Variants in TRERF1 observed in about 807,000 individuals in gnomAD.
TRERF1 encodes transcriptional regulating factor 1.
A neutral mutation model predicts 122.9 loss-of-function variants in TRERF1; 27 were observed. The observed-to-expected ratio is 0.22, with a 90% CI of 0.16 to 0.30. The LOEUF (loss-of-function observed/expected upper bound fraction) is 0.30. TRERF1 is among the 10% of genes least tolerant of loss of function. The pLI, the probability that TRERF1 is intolerant of heterozygous loss-of-function variation, is 1.00. For synonymous variants in TRERF1, 636 were observed against 641.7 expected (o/e 0.99, Z 0.13); for missense variants, 1,248 against 1,560.3 (o/e 0.80, Z 3.37).
intron 3 of TRERF1, among the ~76,000 whole-genome samples, chr6:42,327,764 C>T (rs899465649): frequency 2.6e-5 from 4 of 152,114 alleles, no homozygotes; most frequent in Non-Finnish European, 2.9e-5. Flanking sequence ...TTTTAGAAGA[C>T]TCTTCTGAGG....
chr6:42,260,041 T>G (rs939060610), intron 8 of TRERF1, among the ~76,000 whole-genome samples: 6 of 152,012 alleles, frequency 3.9e-5, no homozygotes, highest in Non-Finnish European at 8.8e-5. Context: ...TCTGTTTGAG[T>G]GGAATCCAGC....
chr6:42,314,189 C>T (rs935346221), intron 3 of TRERF1, among the ~76,000 whole-genome samples: 16 of 152,154 alleles, frequency 1.1e-4, no homozygotes, highest in African/African-American at 3.9e-4. Context: ...AAAACCTCCA[C>T]CATGGCATGG....
intron 4 of TRERF1, among the ~76,000 whole-genome samples, chr6:42,297,222 C>A (rs1785260652): frequency 6.6e-6 from 1 of 152,190 alleles, no homozygotes; most frequent in South Asian, 2.1e-4. Flanking sequence ...GGCAATATGG[C>A]AGACCGGATA....
At chr6:42,333,745 C>T (rs927500014) in intron 3 of TRERF1, among the ~76,000 whole-genome samples, 3 of 152,160 alleles carry the variant, frequency 2.0e-5, no homozygotes, top group South Asian at 4.1e-4. Flanking sequence ...CAGGAGCCTC[C>T]GAGGGCCACA....
chr6:42,227,639 A>T (rs1226891665), exon 18 of TRERF1: 1 of 152,330 alleles, frequency 6.6e-6, no homozygotes, highest in East Asian at 1.9e-4. Flanking sequence ...GACAGGACAC[A>T]CCTGTTCTAG....
chr6:42,417,648 C>A (rs1291627203), intron 2 of TRERF1, among the ~76,000 whole-genome samples: 1 of 152,264 alleles, frequency 6.6e-6, no homozygotes, highest in Non-Finnish European at 1.5e-5. Flanking sequence ...AGACCGGCAT[C>A]TGCCCATCTG....
chr6:42,436,814 A>AAAAAAAT (rs61427173), intron 2 of TRERF1, among the ~76,000 whole-genome samples: 4 of 66,686 alleles, frequency 6.0e-5, no homozygotes, highest in African/African-American at 1.6e-4. Flanking sequence ...AAAAAAAAAA[A>AAAAAAAT]ATATATATAT....
At chr6:42,306,206 TG>T (rs1787216451) in intron 3 of TRERF1, among the ~76,000 whole-genome samples, 1 of 151,960 alleles carries the variant, frequency 6.6e-6, no homozygotes, top group Non-Finnish European at 1.5e-5. Context: ...TTTGCCATAT[TG>T]GCCAGTCTGG....
At position 42,341,267 on chromosome 6, in the gene TRERF1, A is replaced by C. The variant is rs116627577; in HGVS notation, c.-371+21730T>G. On this transcript the variant is annotated intron_variant, in intron 3 of 17. Transcript: ENST00000372922. ...AATACCTGCCCTGCAAGGGTGTTTC[A>C]AGGATTACAAATAACTGTAAGAAGT... Among the ~76,000 whole-genome samples the C allele has an allele frequency of 6.5e-3, 984 of 152,346 alleles. 4 individuals are homozygous for C. Among genetic ancestry groups the C allele is most frequent in the Non-Finnish European group, 1.0e-2 (680 of 68,028 alleles).
chr6:42,397,514 A>G (rs955740091), intron 2 of TRERF1, among the ~76,000 whole-genome samples: 4 of 152,208 alleles, frequency 2.6e-5, no homozygotes. Flanking sequence ...GTCCCAAGAC[A>G]TCTTCTGGGA....
chr6:42,423,372 G>A (rs994636712), intron 2 of TRERF1, among the ~76,000 whole-genome samples: 3 of 152,132 alleles, frequency 2.0e-5, no homozygotes, highest in Non-Finnish European at 2.9e-5. Context: ...AAACCAGAAA[G>A]TGCCCCTTTC....
At chr6:42,405,722 G>A (rs1271196487) in intron 2 of TRERF1, among the ~76,000 whole-genome samples, 1 of 151,510 alleles carries the variant, frequency 6.6e-6, no homozygotes, top group Non-Finnish European at 1.5e-5. Flanking sequence ...TTGAGCCTGG[G>A]AGGTGGCAGT....
intron 2 of TRERF1, among the ~76,000 whole-genome samples, chr6:42,438,844 C>T (rs527467873): frequency 1.3e-5 from 2 of 152,124 alleles, no homozygotes; most frequent in South Asian, 4.1e-4. Flanking sequence ...CAGATTAGAT[C>T]AGAGGGTTTA....
At chr6:42,436,812 A>T (rs536145227) in intron 2 of TRERF1, among the ~76,000 whole-genome samples, 5,238 of 96,284 alleles carry the variant, frequency 0.054, 109 homozygotes, top group Admixed American at 0.084. Context: ...AAAAAAAAAA[A>T]AAATATATAT....
intron 4 of TRERF1, among the ~76,000 whole-genome samples, chr6:42,285,217 C>T (rs565036199): frequency 6.6e-6 from 1 of 151,984 alleles, no homozygotes; most frequent in Non-Finnish European, 1.5e-5. Flanking sequence ...AAGTTGGATT[C>T]CTAGGTATTT....
chr6:42,434,668 C>CCACACACACACACACA (rs3075920), intron 2 of TRERF1, among the ~76,000 whole-genome samples: 1 of 114,896 alleles, frequency 8.7e-6, no homozygotes, highest in African/African-American at 2.9e-5. Context: ...ACACCCTCCA[C>CCACACACACACACACA]CACACACACA....
intron 2 of TRERF1, among the ~76,000 whole-genome samples, chr6:42,381,479 C>T (rs890901837): frequency 1.4e-4 from 22 of 152,014 alleles, no homozygotes; most frequent in African/African-American, 2.2e-4. Context: ...CTTCACCTAA[C>T]GACTTCCTAG....
In TRERF1 at chr6:42,259,241, A is replaced by G. The variant is rs1443759569; in HGVS notation, c.2269+98T>C. 2.1e-6 allele frequency: 3 copies of G among 1,423,090 alleles called. No homozygotes were observed. The highest frequency in any genetic ancestry group is 2.5e-5 in the East Asian group (1 of 39,926). The allele number at this position is 1,423,090 out of a possible 1,614,324, so 88.2% of individuals were successfully genotyped here. On this transcript the variant is annotated intron_variant, in intron 9 of 17. Coordinates refer to ENST00000372922, the Ensembl canonical transcript of TRERF1. This position sits in a 1 kb window ranked among gnomAD's most constrained non-coding sequence, Gnocchi z 4.9. ...TGCTACATACAGCCAATACTCCGCAAAAGTCTGTGGGATAAATGAGAAAGC... is the reference window on the plus strand; with the variant it reads ...TGCTACATACAGCCAATACTCCGCAGAAGTCTGTGGGATAAATGAGAAAGC...
chr6:42,419,835 A>G (rs1462002825), intron 2 of TRERF1, among the ~76,000 whole-genome samples: 3 of 152,150 alleles, frequency 2.0e-5, no homozygotes, highest in Non-Finnish European at 4.4e-5. Flanking sequence ...AATGTGAGGA[A>G]CAAGAATTAA....
Sources: allele counts gnomAD v4.1 joint callset (sites outside exome capture counted in the v4.1 genomes callset), GRCh38; gene constraint gnomAD v4.1.1; non-coding constraint Gnocchi (gnomAD v3.1); transcripts MANE v1.5; gene names NCBI Gene and HGNC (gene_info 2026-07-23, HGNC 2026-07-21).